CES5A: variants seen among roughly 807,000 people sequenced by gnomAD.
CES5A encodes carboxylesterase 5.
In CES5A, 67 loss-of-function variants were observed where a neutral mutation model predicts 62.9. That is an observed-to-expected ratio of 1.07 (90% CI 0.88 to 1.31). The LOEUF is 1.31. Among genes scored for constraint, CES5A ranks in the 50% most tolerant of loss-of-function variants. The pLI is 0.00. For missense variants in CES5A, 748 were observed against 708.5 expected (o/e 1.06, Z -0.63); for synonymous variants, 296 against 280.8 (o/e 1.05, Z -0.54).
chr16:55,942,303 GT>G (rs1166874448), intron 2 of CES5A, among the ~76,000 whole-genome samples: 1 of 152,102 alleles, frequency 6.6e-6, no homozygotes, highest in Non-Finnish European at 1.5e-5. Flanking sequence ...ATGGGGAGAG[GT>G]TTTTGCCACA....
intron 1 of CES5A, among the ~76,000 whole-genome samples, chr16:55,889,853 C>G (rs2033857445): frequency 1.3e-5 from 2 of 152,160 alleles, no homozygotes. Context: ...ACAAAAGACA[C>G]TCTTATTGCT....
chr16:55,863,956 C>T (rs2033405893), intron 5 of CES5A, among the ~76,000 whole-genome samples: 1 of 152,008 alleles, frequency 6.6e-6, no homozygotes, highest in African/African-American at 2.4e-5. Context: ...GGGATTTCAC[C>T]ATGTTGGCCA....
At chr16:55,886,482 C>A (rs1016722376) in intron 1 of CES5A, among the ~76,000 whole-genome samples, 11 of 152,118 alleles carry the variant, frequency 7.2e-5, no homozygotes, top group Admixed American at 7.2e-4. Context: ...TGTCAACCAG[C>A]CTCCCTCCTC....
chr16:55,894,225 T>C (rs745816555), intron 1 of CES5A, among the ~76,000 whole-genome samples: 2 of 152,054 alleles, frequency 1.3e-5, no homozygotes, highest in Non-Finnish European at 2.9e-5. Flanking sequence ...TAAGGAATAA[T>C]AGGCTGGGCG....
At chr16:55,913,205 C>CGAAGTGAGTTTTTCTTGCTGTCT (rs1303121519) in intron 1 of CES5A, among the ~76,000 whole-genome samples, 5 of 151,774 alleles carry the variant, frequency 3.3e-5, no homozygotes, top group Admixed American at 2.6e-4. Context: ...ATAGGGGGGT[C>CGAAGTGAGTTTTTCTTGCTGTCT]GAAGTGAGTT....
chr16:55,856,404 A>G lies in CES5A; in HGVS notation c.1098T>C (p.Leu366=). 1 of 1,614,106 alleles carries G rather than the reference A, an allele frequency of 6.2e-7. No individual in the cohort carries two copies. Among genetic ancestry groups the G allele is most frequent in the Non-Finnish European group, 8.5e-7 (1 of 1,180,000 alleles). ...GGATGTTTTGTATCAGATGGAGGGC[A>G]AGGGACTTGTTGGAGCCACTGAGGA... The part of the protein sequence containing the change: ...PEILSGSNKS[L]ALHLIQNILH... Residue 366 remains leucine (L), a synonymous_variant, in exon 9 of 13, where the codon CTT becomes CTC. Transcript: ENST00000290567.
At chr16:55,886,550 T>C (rs1480643751) in intron 1 of CES5A, among the ~76,000 whole-genome samples, 6 of 152,210 alleles carry the variant, frequency 3.9e-5, no homozygotes, top group Non-Finnish European at 7.3e-5. Context: ...TGGCTAAGCA[T>C]GGGCTCTGAT....
chr16:55,887,078 C>T (rs1038259074), intron 1 of CES5A, among the ~76,000 whole-genome samples: 2 of 152,100 alleles, frequency 1.3e-5, no homozygotes, highest in Non-Finnish European at 2.9e-5. Context: ...CTACAGGATG[C>T]AGTATATGCT....
intron 1 of CES5A, chr16:55,955,751 G>T: frequency 7.2e-7 from 1 of 1,389,786 alleles, no homozygotes; most frequent in Non-Finnish European, 9.8e-7. Context: ...AAGTTGGGTG[G>T]GTAAATTTGC....
At chr16:55,927,390 T>A (rs2034268280), upstream of CES5A, among the ~76,000 whole-genome samples, 1 of 152,110 alleles carries the variant, frequency 6.6e-6, no homozygotes, top group Non-Finnish European at 1.5e-5. Flanking sequence ...AGATCTAGAA[T>A]CTGCAAGGAA....
intron 2 of CES5A, among the ~76,000 whole-genome samples, chr16:55,938,752 A>C (rs1166861352): frequency 2.1e-4 from 16 of 75,592 alleles, no homozygotes; most frequent in South Asian, 4.5e-4. Context: ...AAAAAAAAAA[A>C]AAAAAAAAAA....
At chr16:55,861,659 C>T in intron 6 of CES5A, 143 bp from the exon 7 acceptor site, 1 of 674,126 alleles carries the variant, frequency 1.5e-6, no homozygotes, top group East Asian at 2.7e-5. Context: ...ACCCACACCC[C>T]TATAATTGAA....
chr16:55,888,486 C>A (rs1399569083), intron 1 of CES5A, among the ~76,000 whole-genome samples: 1 of 152,138 alleles, frequency 6.6e-6, no homozygotes, highest in Non-Finnish European at 1.5e-5. Flanking sequence ...GGAACTAAGA[C>A]CCAAGTTGAC....
At chr16:55,853,246 C>A (rs1277690425) in intron 9 of CES5A, among the ~76,000 whole-genome samples, 1 of 152,200 alleles carries the variant, frequency 6.6e-6, no homozygotes. Flanking sequence ...CTGGAAGAAC[C>A]ATGATTCTTT....
At chr16:55,849,817 G>T (rs369486614) in intron 10 of CES5A, 44 bp from the exon 11 acceptor site, 1 of 1,597,852 alleles carries the variant, frequency 6.3e-7, no homozygotes, top group South Asian at 1.1e-5. Context: ...GCAGCGCGGA[G>T]CAGGGGGCTG....
At chr16:55,904,307 T>C (rs1476895696) in intron 1 of CES5A, among the ~76,000 whole-genome samples, 4 of 152,252 alleles carry the variant, frequency 2.6e-5, no homozygotes, top group South Asian at 4.1e-4. Flanking sequence ...GCTTGTGTTC[T>C]TTCTCTGTGA....
exon 1 of CES5A, chr16:55,956,003 T>A: frequency 9.0e-7 from 1 of 1,105,080 alleles, no homozygotes; most frequent in Non-Finnish European, 1.3e-6. Flanking sequence ...GTCAAATGAG[T>A]TCACCACTTT....
intron 8 of CES5A, among the ~76,000 whole-genome samples, chr16:55,859,205 A>T (rs2033303961): frequency 6.6e-6 from 1 of 152,256 alleles, no homozygotes; most frequent in Non-Finnish European, 1.5e-5. Flanking sequence ...TTTCAAACCT[A>T]TCTGAATGTC....
At chr16:55,867,494 A>T (rs1419118837) in intron 4 of CES5A, among the ~76,000 whole-genome samples, 1 of 152,086 alleles carries the variant, frequency 6.6e-6, no homozygotes, top group African/African-American at 2.4e-5. Flanking sequence ...AGTTCTCCAG[A>T]CTGCTCCTTC....
Sources: gnomAD v4.1 joint callset for allele counts (sites outside exome capture counted in the v4.1 genomes callset) on GRCh38, gnomAD v4.1.1 for gene constraint, MANE v1.5 for transcripts, NCBI Gene and HGNC (gene_info 2026-07-23, HGNC 2026-07-21) for gene names.